HRH1: variants seen among roughly 807,000 people sequenced by gnomAD.
The protein encoded by HRH1 is histamine H1 receptor.
HRH1 carries 6 observed loss-of-function variants against 10.3 expected under a neutral mutation model. The ratio of observed to expected loss-of-function variants is 0.58; its 90% CI spans 0.32 to 1.15. The LOEUF (loss-of-function observed/expected upper bound fraction) is 1.15. Among genes scored for constraint, HRH1 ranks in the 50% most tolerant of loss-of-function variants. The pLI, the probability that HRH1 is intolerant of heterozygous loss-of-function variation, is 0.05. For synonymous variants in HRH1, 242 were observed against 236.7 expected, an observed-to-expected ratio of 1.02 and a Z score of -0.21; for missense variants, 514 against 615.3, an observed-to-expected ratio of 0.84 and a Z score of 1.74.
At chr3:11,251,951 T>C (rs911809032) in intron 1 of HRH1, among the ~76,000 whole-genome samples, 2 of 152,206 alleles carry the variant, frequency 1.3e-5, no homozygotes, top group African/African-American at 4.8e-5. Context: ...AGCCTACGGG[T>C]TGGGAGTGGC....
intron 1 of HRH1, among the ~76,000 whole-genome samples, chr3:11,247,157 T>C (rs1939511659): frequency 6.6e-6 from 1 of 151,992 alleles, no homozygotes. Context: ...ACACCATCTC[T>C]ACTAAAAATA....
chr3:11,209,832 A>G (rs1938264487), intron 1 of HRH1, among the ~76,000 whole-genome samples: 1 of 152,218 alleles, frequency 6.6e-6, no homozygotes, highest in South Asian at 2.1e-4. Context: ...CTAGTACAGG[A>G]TGAGGCTCGG....
intron 1 of HRH1, among the ~76,000 whole-genome samples, chr3:11,250,148 T>C (rs950046158): frequency 1.4e-5 from 2 of 145,812 alleles, no homozygotes. Flanking sequence ...GTTCACGCCA[T>C]TCTCCTGCCT....
intron 1 of HRH1, among the ~76,000 whole-genome samples, chr3:11,217,059 G>A (rs1227905022): frequency 6.6e-6 from 1 of 151,748 alleles, no homozygotes; most frequent in Non-Finnish European, 1.5e-5. Context: ...GGTGAGGTAC[G>A]CCTGTAGTCC....
intron 1 of HRH1, among the ~76,000 whole-genome samples, chr3:11,141,175 A>G (rs1936286004): frequency 6.6e-6 from 1 of 152,182 alleles, no homozygotes; most frequent in Non-Finnish European, 1.5e-5. Context: ...GGGACTCTGC[A>G]GGGAAGAGAC....
intron 1 of HRH1, among the ~76,000 whole-genome samples, chr3:11,237,408 G>C (rs1323553471): frequency 6.6e-6 from 1 of 152,100 alleles, no homozygotes; most frequent in Non-Finnish European, 1.5e-5. Context: ...TTAGCAGATG[G>C]GTGCCACCTG....
chr3:11,146,892 C>A (rs1369678989), intron 1 of HRH1, among the ~76,000 whole-genome samples: 1 of 152,174 alleles, frequency 6.6e-6, no homozygotes, highest in Non-Finnish European at 1.5e-5. Flanking sequence ...GACTTAAGAA[C>A]AAGGGACAAC....
Position 11,257,635 on chromosome 3 carries a change from T to G in HRH1, c.-35-1368T>G, listed in dbSNP as rs140119030. Among the ~76,000 whole-genome samples, 5 of 152,114 alleles carry G rather than the reference T, an allele frequency of 3.3e-5. No homozygotes were observed. In the East Asian group the frequency reaches 9.7e-4, roughly 29 times the overall value. On this transcript the variant is annotated intron_variant, in intron 1 of 1. Coordinates refer to ENST00000431010, the MANE Select transcript of HRH1 (RefSeq NM_001098212.2). ...CTTTCACCCAACCACCCGACTTGAGTATCACCAATAACAGAGGATACAGTC... is the reference window on the plus strand; with the variant it reads ...CTTTCACCCAACCACCCGACTTGAGGATCACCAATAACAGAGGATACAGTC...
At chr3:11,235,698 C>T (rs1939163387) in intron 1 of HRH1, among the ~76,000 whole-genome samples, 1 of 152,230 alleles carries the variant, frequency 6.6e-6, no homozygotes, top group Non-Finnish European at 1.5e-5. Context: ...AGTTGAGTCA[C>T]TTCATTACAG....
rs373237159 is a variant in HRH1, at chr3:11,237,064, G to A, written c.-35-21939G>A. Among the ~76,000 whole-genome samples, 254 of 152,226 alleles carry A rather than the reference G, an allele frequency of 1.7e-3. 1 individual carries two copies. Among genetic ancestry groups the A allele is most frequent in the African/African-American group, 5.9e-3 (244 of 41,520 alleles). The stretch of plus-strand genomic sequence containing the variant: ...CTCAGAGTTTAATCTCCAAGGATTC[G>A]GAACAAAATGAACACATTATTCATC... On this transcript the variant is annotated intron_variant, in intron 1 of 1. Transcript: ENST00000431010.
At chr3:11,216,237 A>G (rs948944696) in intron 1 of HRH1, among the ~76,000 whole-genome samples, 1 of 152,134 alleles carries the variant, frequency 6.6e-6, no homozygotes, top group African/African-American at 2.4e-5. Flanking sequence ...TTAAACATAG[A>G]ATTACCATGC....
rs560698558 is a variant in HRH1, at chr3:11,196,462, G to A, written c.-36+41908G>A. ...CTCTTGTAGCCCAGGCTGGAGTGCA[G>A]TGGCGTGATCTTGGCTCACTGCAAC... On this transcript the variant is annotated intron_variant, in intron 1 of 1. Coordinates refer to ENST00000431010, the MANE Select transcript of HRH1 (RefSeq NM_001098212.2). Among the ~76,000 whole-genome samples, 5 of 152,144 alleles carry A rather than the reference G, an allele frequency of 3.3e-5. No individual in the cohort carries two copies. The South Asian group carries it at 1.0e-3, about 32-fold the overall frequency.
At chr3:11,168,475 G>A (rs1254678339) in intron 1 of HRH1, among the ~76,000 whole-genome samples, 2 of 152,252 alleles carry the variant, frequency 1.3e-5, no homozygotes, top group African/African-American at 2.4e-5. Context: ...TGTGGAGGCA[G>A]TGAGAAGCGA....
intron 1 of HRH1, among the ~76,000 whole-genome samples, chr3:11,180,545 G>A (rs557322451): frequency 1.2e-4 from 18 of 152,220 alleles, no homozygotes; most frequent in South Asian, 2.1e-4. Context: ...TGTGTGGCCC[G>A]GTTCCTACAA....
intron 1 of HRH1, among the ~76,000 whole-genome samples, chr3:11,248,385 C>T (rs956119263): frequency 6.6e-6 from 1 of 152,150 alleles, no homozygotes; most frequent in Non-Finnish European, 1.5e-5. Context: ...ATCTGGTACC[C>T]CTCATGGTAC....
intron 1 of HRH1, among the ~76,000 whole-genome samples, chr3:11,252,542 A>C (rs939542221): frequency 3.9e-5 from 6 of 152,158 alleles, no homozygotes; most frequent in African/African-American, 1.4e-4. Context: ...TTTCAACCGG[A>C]GTGAGGGTCT....
chr3:11,252,502 C>T (rs564255853), intron 1 of HRH1, among the ~76,000 whole-genome samples: 10 of 152,280 alleles, frequency 6.6e-5, no homozygotes, highest in South Asian at 2.1e-4. Context: ...CGTAAACCCC[C>T]GGGGTAAGAC....
chr3:11,247,815 T>TG (rs1035511465), intron 1 of HRH1, among the ~76,000 whole-genome samples: 3 of 152,088 alleles, frequency 2.0e-5, no homozygotes, highest in East Asian at 3.9e-4. Flanking sequence ...CTGAATAAGG[T>TG]GGGGGGGAAC....
intron 1 of HRH1, among the ~76,000 whole-genome samples, chr3:11,209,616 A>G (rs1938256995): frequency 1.3e-5 from 2 of 152,228 alleles, no homozygotes; most frequent in African/African-American, 4.8e-5. Context: ...CAGCCTTAAC[A>G]GCAAACATTG....
Sources: gnomAD v4.1 joint callset for allele counts (sites outside exome capture counted in the v4.1 genomes callset) on GRCh38, gnomAD v4.1.1 for gene constraint, MANE v1.5 for transcripts, NCBI Gene and HGNC (gene_info 2026-07-23, HGNC 2026-07-21) for gene names.